MFSD11: variants seen among roughly 807,000 people sequenced by gnomAD.
The protein encoded by MFSD11 is UNC93-like protein MFSD11.
A neutral mutation model predicts 53.5 loss-of-function variants in MFSD11; 36 were observed. That is an observed-to-expected ratio of 0.67 (90% CI 0.52 to 0.89). MFSD11 has a LOEUF of 0.89. Ranked by LOEUF, MFSD11 falls within the 40% of genes least tolerant of loss-of-function variation. The probability of loss-of-function intolerance (pLI) is 0.00; values close to 1 mark genes in which losing one functional copy is unlikely to be tolerated. For synonymous variants in MFSD11, 186 were observed against 184.9 expected, an observed-to-expected ratio of 1.01 and a Z score of -0.05; for missense variants, 530 against 543.9, an observed-to-expected ratio of 0.97 and a Z score of 0.25.
At chr17:76,755,812 A>ATATATATT (rs1555669398) in intron 8 of MFSD11, among the ~76,000 whole-genome samples, 2 of 19,518 alleles carry the variant, frequency 1.0e-4, no homozygotes, top group East Asian at 2.3e-3. Context: ...ATATATATAT[A>ATATATATT]TTTTTTTTTT....
At chr17:76,790,565 G>A in the MFSD11 span, among the ~76,000 whole-genome samples, 2 of 147,216 alleles carry the variant, frequency 1.4e-5, no homozygotes, top group Non-Finnish European at 3.0e-5. Context: ...CAATCCACCT[G>A]CTTCAGCTTC....
chr17:76,738,611 A>G (rs2077734716), intron 1 of MFSD11, 163 bp downstream of exon 1: 2 of 628,398 alleles, frequency 3.2e-6, no homozygotes, highest in African/African-American at 3.7e-5. Context: ...TTCTTGTGTC[A>G]GACATTTCTC....
intron 7 of MFSD11, among the ~76,000 whole-genome samples, chr17:76,749,751 G>A (rs1428482622): frequency 6.6e-6 from 1 of 151,952 alleles, no homozygotes; most frequent in Non-Finnish European, 1.5e-5. Context: ...TTAGCCTGGT[G>A]TGGTGGTGTG....
downstream of MFSD11, among the ~76,000 whole-genome samples, chr17:76,782,136 G>A (rs1329264753): frequency 7.0e-6 from 1 of 143,334 alleles, no homozygotes; most frequent in Admixed American, 7.1e-5. Flanking sequence ...CCCCGCCCCC[G>A]GCCCCTGTGG....
the MFSD11 span, among the ~76,000 whole-genome samples, chr17:76,793,909 T>A: frequency 6.6e-6 from 1 of 151,228 alleles, no homozygotes; most frequent in African/African-American, 2.5e-5. Flanking sequence ...AGATTCAGTC[T>A]GCTGTTGCTG....
chr17:76,766,400 C>T (rs912209059), intron 8 of MFSD11, among the ~76,000 whole-genome samples: 2 of 113,918 alleles, frequency 1.8e-5, no homozygotes, highest in Non-Finnish European at 1.7e-5. Flanking sequence ...GCCTGGGTGA[C>T]AAAGTGAGAC....
chr17:76,746,368 A>G (rs1473987411), intron 7 of MFSD11, among the ~76,000 whole-genome samples: 3 of 152,272 alleles, frequency 2.0e-5, no homozygotes, highest in Non-Finnish European at 4.4e-5. Context: ...TGAAACAGCA[A>G]GTGCTGCTGG....
chr17:76,785,432 C>G (rs2082262270), downstream of MFSD11, among the ~76,000 whole-genome samples: 1 of 152,062 alleles, frequency 6.6e-6, no homozygotes, highest in Non-Finnish European at 1.5e-5. Context: ...CAACTCCTGG[C>G]CTCAAGCGGT....
At chr17:76,768,205 G>A (rs370468515) in intron 9 of MFSD11, among the ~76,000 whole-genome samples, 21 of 151,406 alleles carry the variant, frequency 1.4e-4, no homozygotes, top group Non-Finnish European at 2.5e-4. Context: ...TCAGGAGGCC[G>A]AGGTGGGAGA....
intron 8 of MFSD11, among the ~76,000 whole-genome samples, chr17:76,759,405 C>G (rs1431908011): frequency 6.6e-6 from 1 of 151,928 alleles, no homozygotes; most frequent in Admixed American, 6.6e-5. Context: ...GCCTCAATCC[C>G]CTGAGTAGCT....
chr17:76,777,675 G>C (rs2081971798), intron 12 of MFSD11, among the ~76,000 whole-genome samples: 1 of 152,006 alleles, frequency 6.6e-6, no homozygotes, highest in Non-Finnish European at 1.5e-5. Context: ...GAAGCAATGA[G>C]CAGTAAGATT....
intron 8 of MFSD11, among the ~76,000 whole-genome samples, chr17:76,760,316 A>G (rs558430556): frequency 2.1e-4 from 32 of 151,662 alleles, no homozygotes; most frequent in Admixed American, 1.6e-3. Context: ...AAGAGAAACT[A>G]TATTTACTGT....
At chr17:76,753,661 C>A in intron 7 of MFSD11, among the ~76,000 whole-genome samples, 1 of 135,812 alleles carries the variant, frequency 7.4e-6, no homozygotes. Flanking sequence ...GCACTCCAGC[C>A]TGGGAGGTGG....
In MFSD11 at chr17:76,778,470, A is replaced by G. The variant is rs1396814199; in HGVS notation, c.*118A>G. On this transcript the variant is annotated 3_prime_UTR_variant, in exon 13 of 13. Coordinates refer to ENST00000685175, the MANE Select transcript of MFSD11 (RefSeq NM_001242532.5). ...TGGGTGATGTTCAGTATGGAAAATC[A>G]AGGGATTAAGACTGTTAAATCAGCC... 2.0e-6 allele frequency: 2 copies of G among 1,023,014 alleles called. No individual in the cohort carries two copies. The highest frequency in any genetic ancestry group is 2.9e-6 in the Non-Finnish European group (2 of 692,362). The allele number at this position is 1,023,014 out of a possible 1,614,324, so 63.4% of individuals were successfully genotyped here.
At chr17:76,751,262 C>T (rs1017733379) in intron 7 of MFSD11, among the ~76,000 whole-genome samples, 97 of 151,468 alleles carry the variant, frequency 6.4e-4, no homozygotes, top group African/African-American at 2.0e-3. Context: ...TAGTGGCAGG[C>T]GCCTGTAGTC....
intron 10 of MFSD11, among the ~76,000 whole-genome samples, chr17:76,771,279 G>A (rs190159164): frequency 2.7e-3 from 416 of 152,282 alleles, no homozygotes; most frequent in Non-Finnish European, 4.0e-3. Context: ...AATGTCCCTC[G>A]TATCACTGAG....
chr17:76,743,167 G>A (rs2078252627), intron 5 of MFSD11, among the ~76,000 whole-genome samples: 1 of 152,128 alleles, frequency 6.6e-6, no homozygotes, highest in Admixed American at 6.5e-5. Flanking sequence ...GGGTGCCTCT[G>A]AATCAGGTTA....
In MFSD11 at chr17:76,738,939, A is replaced by C. The variant is rs1653882872; in HGVS notation, c.98A>C (p.Gln33Pro). The C allele has an allele frequency of 1.2e-6, 2 of 1,613,958 alleles. No homozygotes were observed. The highest frequency in any genetic ancestry group is 2.7e-5 in the African/African-American group (2 of 75,062). The change falls in exon 2 of 13, where the codon CAA becomes CCA. Residue 33 changes from glutamine to proline, a missense_variant and splice_region_variant. Transcript: ENST00000685175. ...TAFQTCGNVA[Q>P]TVIRSLNRTD... is the part of the protein sequence containing the mutation. ...TGATTAGTTTTATCTTCCACACAGCAAACTGTCATCAGGAGCTTAAATAGG... is the reference window on the plus strand; with the variant it reads ...TGATTAGTTTTATCTTCCACACAGCCAACTGTCATCAGGAGCTTAAATAGG...
the MFSD11 span, among the ~76,000 whole-genome samples, chr17:76,792,625 G>A: frequency 1.3e-5 from 2 of 151,344 alleles, no homozygotes; most frequent in Non-Finnish European, 2.9e-5. Flanking sequence ...TGTCCTGATT[G>A]CTGGAACCTG....
Sources: allele counts gnomAD v4.1 joint callset (sites outside exome capture counted in the v4.1 genomes callset), GRCh38; gene constraint gnomAD v4.1.1; transcripts MANE v1.5; gene names NCBI Gene and HGNC (gene_info 2026-07-23, HGNC 2026-07-21).